FAM174A: variants seen among roughly 807,000 people sequenced by gnomAD.
FAM174A encodes family with sequence similarity 174 member A.
FAM174A carries 14 observed loss-of-function variants against 14.3 expected under a neutral mutation model. The observed-to-expected ratio is 0.98, with a 90% CI of 0.65 to 1.53. The LOEUF is 1.53. FAM174A is among the 40% of genes most tolerant of loss of function. The probability of loss-of-function intolerance (pLI) is 0.00; values close to 1 mark genes in which losing one functional copy is unlikely to be tolerated. For synonymous variants in FAM174A, 108 were observed against 111.4 expected, an observed-to-expected ratio of 0.97 and a Z score of 0.19; for missense variants, 241 against 249.6, an observed-to-expected ratio of 0.97 and a Z score of 0.23.
At chr5:100,553,798 A>G (rs535026201) in intron 1 of FAM174A, among the ~76,000 whole-genome samples, 4 of 152,170 alleles carry the variant, frequency 2.6e-5, no homozygotes, top group Non-Finnish European at 5.9e-5. Flanking sequence ...TGTTTAGGCT[A>G]TATACAGATA....
intron 2 of FAM174A, among the ~76,000 whole-genome samples, chr5:100,579,015 T>C (rs1746954665): frequency 6.6e-6 from 1 of 152,262 alleles, no homozygotes. Context: ...TTCAAATATG[T>C]TGAAAGCCAT....
In FAM174A at chr5:100,538,717, A is replaced by G. The variant is rs77957060; in HGVS notation, c.434+2753A>G. Among the ~76,000 whole-genome samples, 444 of 152,268 alleles carry G rather than the reference A, an allele frequency of 2.9e-3. 1 individual carries two copies. The highest frequency in any genetic ancestry group is 8.2e-3 in the African/African-American group (339 of 41,564). ...TGGATGAGCACTCTTCATGTATTAT[A>G]TTGCTGAACAGGTAGGTGGTAAGGA... is the stretch of plus-strand genomic sequence containing the variant. On this transcript the variant is annotated intron_variant, in intron 1 of 2. Coordinates refer to ENST00000312637, the MANE Select transcript of FAM174A (RefSeq NM_198507.3).
chr5:100,545,313 A>T (rs1746144141), intron 1 of FAM174A, among the ~76,000 whole-genome samples: 1 of 152,216 alleles, frequency 6.6e-6, no homozygotes, highest in Admixed American at 6.5e-5. Flanking sequence ...TTAAATCATA[A>T]ATTGAGAATC....
At chr5:100,585,414 A>G (rs1016838496) in intron 2 of FAM174A, among the ~76,000 whole-genome samples, 5 of 151,982 alleles carry the variant, frequency 3.3e-5, no homozygotes, top group South Asian at 2.1e-4. Flanking sequence ...AATTTTTAAT[A>G]TTTCATTTTC....
At chr5:100,561,206 T>C (rs568032075) in intron 1 of FAM174A, among the ~76,000 whole-genome samples, 14 of 152,132 alleles carry the variant, frequency 9.2e-5, no homozygotes, top group African/African-American at 3.4e-4. Flanking sequence ...TTCATTCATA[T>C]GGCTAATAAT....
chr5:100,551,408 G>C (rs1203581350), intron 1 of FAM174A, among the ~76,000 whole-genome samples: 1 of 152,138 alleles, frequency 6.6e-6, no homozygotes, highest in Non-Finnish European at 1.5e-5. Context: ...CCGCTAATGG[G>C]CAGCCTTTGC....
At chr5:100,545,521 A>G (rs1746148301) in intron 1 of FAM174A, among the ~76,000 whole-genome samples, 1 of 152,134 alleles carries the variant, frequency 6.6e-6, no homozygotes, top group Non-Finnish European at 1.5e-5. Context: ...CTTTCTGTGT[A>G]GCCAAACTGT....
intron 1 of FAM174A, among the ~76,000 whole-genome samples, chr5:100,554,062 A>G (rs1018446170): frequency 5.3e-5 from 8 of 152,174 alleles, no homozygotes; most frequent in Admixed American, 5.2e-4. Flanking sequence ...AAATAATTTC[A>G]CATGACATTA....
intron 1 of FAM174A, among the ~76,000 whole-genome samples, chr5:100,550,613 G>C (rs1746243784): frequency 6.6e-6 from 1 of 152,120 alleles, no homozygotes; most frequent in Admixed American, 6.6e-5. Context: ...ATGTCTGGTA[G>C]GGATGACAAA....
rs113619109 is a variant in FAM174A at position 100,537,750 on chromosome 5, A to G, written c.434+1786A>G. Among the ~76,000 whole-genome samples the G allele has an allele frequency of 3.0e-3, 460 of 152,284 alleles. 4 individuals carry two copies. Among genetic ancestry groups the G allele is most frequent in the African/African-American group, 0.011 (442 of 41,574 alleles). ...ATTGAAACAAATTATTTTCCTCACT[A>G]TATAACTGTTATTTACTGCTGTCTG... On this transcript the variant is annotated intron_variant, in intron 1 of 2. Transcript: ENST00000312637.
rs28841953 is a variant in FAM174A, at chr5:100,565,925, T to C, written c.569+3737T>C. Among the ~76,000 whole-genome samples the C allele has an allele frequency of 8.4e-3, 1,273 of 151,312 alleles. 20 individuals are homozygous for C. Among genetic ancestry groups the C allele is most frequent in the African/African-American group, 0.029 (1,199 of 41,332 alleles). On this transcript the variant is annotated intron_variant, in intron 2 of 2. Coordinates refer to ENST00000312637, the MANE Select transcript of FAM174A (RefSeq NM_198507.3). The stretch of plus-strand genomic sequence containing the variant: ...TTACATGATGGCAGGCAAGAGAGCA[T>C]GTGTAGGGGAACCACCCTTTATAAA...
At chr5:100,551,082 T>C (rs549728468) in intron 1 of FAM174A, among the ~76,000 whole-genome samples, 3 of 152,176 alleles carry the variant, frequency 2.0e-5, no homozygotes, top group Non-Finnish European at 4.4e-5. Flanking sequence ...GCAGAGATAG[T>C]GAATTAGGAA....
At chr5:100,552,125 T>C (rs183176471) in intron 1 of FAM174A, among the ~76,000 whole-genome samples, 60 of 152,260 alleles carry the variant, frequency 3.9e-4, no homozygotes, top group Admixed American at 2.7e-3. Flanking sequence ...TGATGTCAGA[T>C]TGGTCAAAAG....
chr5:100,566,141 G>GATAGATAGATATAT (rs558236562), intron 2 of FAM174A, among the ~76,000 whole-genome samples: 16 of 81,810 alleles, frequency 2.0e-4, no homozygotes, highest in Non-Finnish European at 3.4e-4. Context: ...TGAAAAGTAT[G>GATAGATAGATATAT]ATATATATAT....
chr5:100,557,658 A>G (rs1561317179), intron 1 of FAM174A, among the ~76,000 whole-genome samples: 2 of 152,094 alleles, frequency 1.3e-5, no homozygotes, highest in East Asian at 3.8e-4. Context: ...TTCCTGGTTT[A>G]GTCTTGGGAG....
At chr5:100,559,402 G>T (rs1408738129) in intron 1 of FAM174A, among the ~76,000 whole-genome samples, 1 of 151,990 alleles carries the variant, frequency 6.6e-6, no homozygotes, top group Non-Finnish European at 1.5e-5. Flanking sequence ...TGGTGAATCT[G>T]GCAGTTATGT....
chr5:100,585,997 A>T (rs1338846166), intron 2 of FAM174A, among the ~76,000 whole-genome samples, 184 bp from the exon 3 acceptor site: 2 of 152,186 alleles, frequency 1.3e-5, no homozygotes, highest in African/African-American at 4.8e-5. Context: ...TCTGTTTAAT[A>T]GATAATTTCT....
At position 100,543,592 on chromosome 5, in the gene FAM174A, A is replaced by AT. The variant is rs946506171; in HGVS notation, c.434+7634dup. Among the ~76,000 whole-genome samples, 26 of 151,890 alleles carry AT rather than the reference A, an allele frequency of 1.7e-4. 1 individual carries two copies. The highest frequency in any genetic ancestry group is 1.6e-3 in the Admixed American group (25 of 15,244). ...AGTATTTAATTAGCTCCTTAATCAG[A>AT]TTTTTTGGTGTTTTTGACATGGAGT... On this transcript the variant is annotated intron_variant, in intron 1 of 2. Coordinates refer to ENST00000312637, the MANE Select transcript of FAM174A (RefSeq NM_198507.3).
intron 1 of FAM174A, among the ~76,000 whole-genome samples, chr5:100,549,797 G>A (rs1345481344): frequency 2.0e-5 from 3 of 151,946 alleles, no homozygotes; most frequent in Non-Finnish European, 4.4e-5. Context: ...AAATGCTAAA[G>A]GAATTCAAAA....
Sources: gnomAD v4.1 joint callset for allele counts (sites outside exome capture counted in the v4.1 genomes callset) on GRCh38, gnomAD v4.1.1 for gene constraint, MANE v1.5 for transcripts, NCBI Gene and HGNC (gene_info 2026-07-23, HGNC 2026-07-21) for gene names.